MAP4K3: variants seen among roughly 807,000 people sequenced by gnomAD.
MAP4K3 encodes the protein MAPK/ERK kinase kinase kinase 3.
A neutral mutation model predicts 143.5 loss-of-function variants in MAP4K3; 94 were observed. The observed-to-expected ratio is 0.65, with a 90% CI of 0.55 to 0.78. The LOEUF is 0.78. Ranked by LOEUF, MAP4K3 falls within the 30% of genes least tolerant of loss-of-function variation. The probability of loss-of-function intolerance (pLI) is 0.00; values close to 1 mark genes in which losing one functional copy is unlikely to be tolerated. For synonymous variants in MAP4K3, 416 were observed against 347.2 expected, an observed-to-expected ratio of 1.20 and a Z score of -2.20; for missense variants, 1,077 against 1,068.1, an observed-to-expected ratio of 1.01 and a Z score of -0.12.
intron 8 of MAP4K3, among the ~76,000 whole-genome samples, chr2:39,327,419 T>C (rs1375871450): frequency 6.6e-6 from 1 of 152,218 alleles, no homozygotes; most frequent in African/African-American, 2.4e-5. Flanking sequence ...ACAGTCTTAT[T>C]CTAATTATAC....
intron 2 of MAP4K3, among the ~76,000 whole-genome samples, chr2:39,375,718 T>C (rs907768292): frequency 1.3e-5 from 2 of 152,218 alleles, no homozygotes; most frequent in Non-Finnish European, 2.9e-5. Flanking sequence ...CATCACTAGA[T>C]TATTCCCATA....
At chr2:39,369,148 C>T (rs945735153) in intron 2 of MAP4K3, among the ~76,000 whole-genome samples, 2 of 150,202 alleles carry the variant, frequency 1.3e-5, no homozygotes, top group African/African-American at 2.5e-5. Flanking sequence ...TAAAAACAAA[C>T]GAAATCCCAC....
chr2:39,368,238 A>G (rs1009622172), intron 2 of MAP4K3, among the ~76,000 whole-genome samples: 2 of 152,236 alleles, frequency 1.3e-5, no homozygotes, highest in Non-Finnish European at 2.9e-5. Flanking sequence ...AGTAGACTCA[A>G]AAAATGTTTC....
At chr2:39,260,540 A>C (rs2148439875) in intron 29 of MAP4K3, 66 bp downstream of exon 29, 33 of 1,346,380 alleles carry the variant, frequency 2.5e-5, no homozygotes, top group Non-Finnish European at 3.3e-5. Context: ...TAAGAGATAC[A>C]GTAAACTTAC....
intron 3 of MAP4K3, among the ~76,000 whole-genome samples, chr2:39,352,255 C>A (rs972231188): frequency 2.0e-5 from 3 of 152,038 alleles, no homozygotes; most frequent in African/African-American, 7.2e-5. Flanking sequence ...CCTGCCACTG[C>A]ACAGCAGCCT....
At chr2:39,325,329 G>A (rs545871843) in intron 12 of MAP4K3, among the ~76,000 whole-genome samples, 189 bp downstream of exon 12, 3 of 152,212 alleles carry the variant, frequency 2.0e-5, no homozygotes, top group African/African-American at 7.2e-5. Flanking sequence ...TAAGTAGTCA[G>A]TAAGAAAAAC....
intron 1 of MAP4K3, among the ~76,000 whole-genome samples, chr2:39,391,734 G>C (rs1666666302): frequency 6.6e-6 from 1 of 152,120 alleles, no homozygotes; most frequent in Non-Finnish European, 1.5e-5. Context: ...GGGGAATGAA[G>C]GCAGAATGAG....
At chr2:39,356,131 C>T in intron 3 of MAP4K3, 118 bp downstream of exon 3, 1 of 629,240 alleles carries the variant, frequency 1.6e-6, no homozygotes, top group Non-Finnish European at 2.8e-6. Flanking sequence ...TGAAAATATC[C>T]TATCTTCAAA....
intron 1 of MAP4K3, among the ~76,000 whole-genome samples, chr2:39,388,994 T>C (rs888704775): frequency 2.0e-5 from 3 of 152,194 alleles, no homozygotes; most frequent in East Asian, 1.9e-4. Context: ...ATCAAATCCA[T>C]AGAAGTTAAA....
intron 1 of MAP4K3, among the ~76,000 whole-genome samples, chr2:39,410,005 C>T (rs1194127514): frequency 2.6e-5 from 4 of 152,106 alleles, no homozygotes; most frequent in Non-Finnish European, 5.9e-5. Context: ...AACTTCTTAC[C>T]ACAAACTGAA....
chr2:39,404,145 G>C (rs78029462), intron 1 of MAP4K3, among the ~76,000 whole-genome samples: 2 of 152,026 alleles, frequency 1.3e-5, no homozygotes, highest in Non-Finnish European at 2.9e-5. Context: ...GAAAACCAGC[G>C]CATGCCCAGT....
intron 1 of MAP4K3, among the ~76,000 whole-genome samples, chr2:39,383,718 C>T (rs1252612519): frequency 6.6e-6 from 1 of 151,814 alleles, no homozygotes; most frequent in Non-Finnish European, 1.5e-5. Flanking sequence ...GTTAATATAC[C>T]AATAAACCCT....
intron 32 of MAP4K3, among the ~76,000 whole-genome samples, chr2:39,253,044 A>T (rs960355546): frequency 6.6e-6 from 1 of 152,118 alleles, no homozygotes; most frequent in African/African-American, 2.4e-5. Flanking sequence ...TTAGCTGTTG[A>T]CTGTTCTTAT....
At chr2:39,353,506 A>T (rs1665517791) in intron 3 of MAP4K3, among the ~76,000 whole-genome samples, 1 of 152,186 alleles carries the variant, frequency 6.6e-6, no homozygotes, top group Admixed American at 6.5e-5. Context: ...TACTGAAAAA[A>T]ATGATCCTAC....
At chr2:39,266,781 G>C (rs1332062743) in intron 27 of MAP4K3, among the ~76,000 whole-genome samples, 1 of 152,050 alleles carries the variant, frequency 6.6e-6, no homozygotes, top group Admixed American at 6.5e-5. Context: ...AGGAATTTAG[G>C]TGAGAGGAAG....
chr2:39,250,581 T>G lies in MAP4K3; in HGVS notation c.*37A>C. 2.5e-6 allele frequency: 4 copies of G among 1,583,846 alleles called. No homozygotes were observed. Among genetic ancestry groups the G allele is most frequent in the Non-Finnish European group, 2.6e-6 (3 of 1,153,624 alleles). The stretch of plus-strand genomic sequence containing the variant: ...CATTAATGTTGCAGTGGTAGTGTTC[T>G]TTCTTTCTAGAGTTAACTGTCAAAG... On this transcript the variant is annotated 3_prime_UTR_variant, in exon 34 of 34. Transcript: ENST00000263881.
intron 1 of MAP4K3, among the ~76,000 whole-genome samples, chr2:39,410,264 T>C (rs1667200585): frequency 6.6e-6 from 1 of 152,194 alleles, no homozygotes; most frequent in Admixed American, 6.5e-5. Context: ...GAACCCTTTA[T>C]AGATTGGCAG....
intron 2 of MAP4K3, among the ~76,000 whole-genome samples, chr2:39,377,586 G>A (rs1175715090): frequency 6.6e-6 from 1 of 152,112 alleles, no homozygotes; most frequent in Non-Finnish European, 1.5e-5. Flanking sequence ...ACAACTGCTG[G>A]GATAGCAATG....
intron 15 of MAP4K3, among the ~76,000 whole-genome samples, chr2:39,300,552 G>A (rs920954029): frequency 6.6e-6 from 1 of 152,178 alleles, no homozygotes; most frequent in Non-Finnish European, 1.5e-5. Flanking sequence ...GCTGCCTTTT[G>A]TCCTCTTCTT....
Sources: gnomAD v4.1 joint callset for allele counts (sites outside exome capture counted in the v4.1 genomes callset) on GRCh38, gnomAD v4.1.1 for gene constraint, MANE v1.5 for transcripts, NCBI Gene and HGNC (gene_info 2026-07-23, HGNC 2026-07-21) for gene names.